MBNL1: variants seen among roughly 807,000 people sequenced by gnomAD.
MBNL1 encodes muscleblind-like protein 1.
In MBNL1, 8 loss-of-function variants were observed where a neutral mutation model predicts 42.2. The observed-to-expected ratio is 0.19, with a 90% CI of 0.11 to 0.34. The LOEUF (loss-of-function observed/expected upper bound fraction) is 0.34. MBNL1 is among the 10% of genes least tolerant of loss of function. MBNL1 has a pLI of 1.00. For synonymous variants in MBNL1, 169 were observed against 173.9 expected (o/e 0.97, Z 0.22); for missense variants, 309 against 495.3 (o/e 0.62, Z 3.57).
intron 6 of MBNL1, among the ~76,000 whole-genome samples, chr3:152,453,839 C>T (rs1017198959): frequency 1.3e-5 from 2 of 152,206 alleles, no homozygotes; most frequent in Admixed American, 6.5e-5. Context: ...CTTAATTATG[C>T]ATGGGATGAA....
intron 2 of MBNL1, among the ~76,000 whole-genome samples, chr3:152,410,429 T>C (rs2098539749): frequency 6.6e-6 from 1 of 152,238 alleles, no homozygotes; most frequent in Non-Finnish European, 1.5e-5. Flanking sequence ...TACTTTTAAT[T>C]GAAAAGTACA....
intron 2 of MBNL1, among the ~76,000 whole-genome samples, chr3:152,323,612 A>G (rs1049296712): frequency 2.0e-5 from 3 of 152,136 alleles, no homozygotes; most frequent in Admixed American, 6.6e-5. Flanking sequence ...AGTACGGCCT[A>G]TTGCTCCTAG....
At chr3:152,455,676 G>C in intron 7 of MBNL1, 99 bp downstream of exon 7, 2 of 1,051,480 alleles carry the variant, frequency 1.9e-6, no homozygotes, top group East Asian at 2.4e-5. Context: ...TATTGGGCAA[G>C]TCCATTTCCC....
chr3:152,369,415 A>T (rs998629584), intron 2 of MBNL1, among the ~76,000 whole-genome samples: 2 of 152,154 alleles, frequency 1.3e-5, no homozygotes, highest in Non-Finnish European at 2.9e-5. Flanking sequence ...GTTTGCCAGT[A>T]TGGTATTGAG....
chr3:152,328,479 C>T (rs1233498420), intron 2 of MBNL1, among the ~76,000 whole-genome samples: 3 of 152,038 alleles, frequency 2.0e-5, no homozygotes, highest in Admixed American at 6.5e-5. Context: ...AGCTTTTACT[C>T]ATGTTTAGAT....
intron 2 of MBNL1, among the ~76,000 whole-genome samples, chr3:152,359,281 C>A (rs2095765007): frequency 6.6e-6 from 1 of 152,118 alleles, no homozygotes; most frequent in Non-Finnish European, 1.5e-5. Context: ...GATTGCCAAA[C>A]TAAAATTTAA....
At chr3:152,284,583 T>A (rs2150535100) in intron 1 of MBNL1, among the ~76,000 whole-genome samples, 1 of 152,144 alleles carries the variant, frequency 6.6e-6, no homozygotes, top group East Asian at 1.9e-4. Flanking sequence ...AAAACTGAAA[T>A]TACTTTTGCA....
At chr3:152,322,362 AAC>A (rs1219291169) in intron 2 of MBNL1, among the ~76,000 whole-genome samples, 1 of 152,128 alleles carries the variant, frequency 6.6e-6, no homozygotes, top group African/African-American at 2.4e-5. Context: ...AGATTAAAAA[AAC>A]ACAAACTATT....
chr3:152,375,651 CT>C (rs1432601327), intron 2 of MBNL1, among the ~76,000 whole-genome samples: 2 of 152,020 alleles, frequency 1.3e-5, no homozygotes, highest in Non-Finnish European at 2.9e-5. Flanking sequence ...TTCTCAATAT[CT>C]ACAAACAAAA....
At chr3:152,416,757 G>A (rs1319811045) in intron 3 of MBNL1, among the ~76,000 whole-genome samples, 3 of 152,176 alleles carry the variant, frequency 2.0e-5, no homozygotes, top group South Asian at 2.1e-4. Flanking sequence ...CTAGGATGTC[G>A]TGTGTGCAAT....
intron 2 of MBNL1, among the ~76,000 whole-genome samples, chr3:152,308,484 G>C (rs1217096997): frequency 6.6e-6 from 1 of 152,116 alleles, no homozygotes; most frequent in Non-Finnish European, 1.5e-5. Context: ...TAGGGCATTT[G>C]CTTAGAATCA....
intron 2 of MBNL1, among the ~76,000 whole-genome samples, chr3:152,363,906 T>C (rs1178173346): frequency 6.6e-6 from 1 of 152,158 alleles, no homozygotes; most frequent in Middle Eastern, 3.2e-3. Context: ...TAATAATCCT[T>C]ATCAGATCCT....
rs933450822 is a variant in MBNL1, at chr3:152,447,779, G to C, written c.961+6G>C. 1.9e-6 allele frequency: 3 copies of C among 1,611,374 alleles called. No homozygotes were observed. The African/African-American group carries it at 4.0e-5, about 22-fold the overall frequency. ...TACAGCATTTCTCCCACCAGGTAAG[G>C]GGTGGGGTTTCTTAATAAATGAATC... On this transcript the variant is annotated splice_donor_region_variant and intron_variant, in intron 6 of 9. Coordinates refer to ENST00000324210, the MANE Select transcript of MBNL1 (RefSeq NM_021038.5).
chr3:152,318,963 T>C (rs2074271298), intron 2 of MBNL1, among the ~76,000 whole-genome samples: 1 of 152,192 alleles, frequency 6.6e-6, no homozygotes, highest in Non-Finnish European at 1.5e-5. Context: ...AACCTTATTT[T>C]TATTTGTACT....
At chr3:152,329,799 G>A (rs1291576244) in intron 2 of MBNL1, among the ~76,000 whole-genome samples, 1 of 148,920 alleles carries the variant, frequency 6.7e-6, no homozygotes, top group Non-Finnish European at 1.5e-5. Context: ...ACTTTCAAGT[G>A]ATGGATAAAA....
At chr3:152,373,411 T>G (rs1292374418) in intron 2 of MBNL1, among the ~76,000 whole-genome samples, 4 of 151,646 alleles carry the variant, frequency 2.6e-5, no homozygotes, top group Admixed American at 6.6e-5. Context: ...TGCCCTGTTT[T>G]GCGCTTGAAA....
chr3:152,428,649 A>T (rs1173608103), intron 3 of MBNL1, among the ~76,000 whole-genome samples: 1 of 152,216 alleles, frequency 6.6e-6, no homozygotes, highest in African/African-American at 2.4e-5. Flanking sequence ...TATCTGTAGA[A>T]AACCACATAG....
At chr3:152,412,215 T>C (rs2098596918) in intron 2 of MBNL1, among the ~76,000 whole-genome samples, 4 of 152,206 alleles carry the variant, frequency 2.6e-5, no homozygotes, top group Admixed American at 2.0e-4. Flanking sequence ...GTATTAAACA[T>C]GTTTTAAACT....
chr3:152,362,799 C>A (rs2096072904), intron 2 of MBNL1, among the ~76,000 whole-genome samples: 1 of 152,144 alleles, frequency 6.6e-6, no homozygotes, highest in Non-Finnish European at 1.5e-5. Flanking sequence ...AAAAGTAGTT[C>A]ACTTAACCTT....
Sources: allele counts gnomAD v4.1 joint callset (sites outside exome capture counted in the v4.1 genomes callset), GRCh38; gene constraint gnomAD v4.1.1; transcripts MANE v1.5; gene names NCBI Gene and HGNC (gene_info 2026-07-23, HGNC 2026-07-21).